The following CDK12 variants were observed in gnomAD, a reference collection of about 807,000 sequenced individuals.
CDK12 encodes the protein cyclin dependent kinase 12.
In CDK12, 17 loss-of-function variants were observed where a neutral mutation model predicts 133.8. That is an observed-to-expected ratio of 0.13 (90% CI 0.09 to 0.19). CDK12 has a LOEUF of 0.19. Ranked by LOEUF, CDK12 falls within the 10% of genes least tolerant of loss-of-function variation. CDK12 has a pLI of 1.00. For synonymous variants in CDK12, 694 were observed against 683.6 expected (o/e 1.02, Z -0.24); for missense variants, 1,508 against 1,818.7 (o/e 0.83, Z 3.11).
rs769185122 is a variant in CDK12 at position 39,533,967 on chromosome 17, CGTTTT to C, written c.*2657_*2661del. 15 of 231,698 alleles carry C rather than the reference CGTTTT, an allele frequency of 6.5e-5. No individual in the cohort carries two copies. The highest frequency in any genetic ancestry group is 8.5e-5 in the Non-Finnish European group (10 of 117,220). The allele number at this position is 231,698 out of a possible 1,614,324, so 14.4% of individuals were successfully genotyped here. A position where few individuals can be genotyped will look rare whatever the true frequency, so the allele number is the denominator to read the frequency against. ...ATTAATTCCATTCAAAAGTGGTTTT[CGTTTT>C]GTTTTAATTATTGTACAATGAGAGA... On this transcript the variant is annotated 3_prime_UTR_variant, in exon 14 of 14. Transcript: ENST00000447079.
intron 7 of CDK12, among the ~76,000 whole-genome samples, chr17:39,510,114 C>CTCTTTT (rs1555569938): frequency 2.4e-5 from 3 of 125,482 alleles, no homozygotes; most frequent in African/African-American, 9.7e-5. Flanking sequence ...CAATCTCTCT[C>CTCTTTT]TTTTTTTTTT....
At chr17:39,508,024 T>A (rs1335453445) in intron 6 of CDK12, among the ~76,000 whole-genome samples, 2 of 152,184 alleles carry the variant, frequency 1.3e-5, no homozygotes, top group Non-Finnish European at 2.9e-5. Flanking sequence ...GTACTACATG[T>A]TGAGTATCCC....
intron 2 of CDK12, among the ~76,000 whole-genome samples, chr17:39,486,154 T>TCAA (rs2051108070): frequency 6.6e-6 from 1 of 151,734 alleles, no homozygotes; most frequent in Admixed American, 6.6e-5. Flanking sequence ...GGTTTCACCA[T>TCAA]GTTGGCTAGG....
chr17:39,461,768 C>G lies in CDK12; in HGVS notation c.-304C>G. The G allele has an allele frequency of 2.4e-6, 1 of 413,320 alleles. No homozygotes were observed. The allele number at this position is 413,320 out of a possible 1,614,324, so 25.6% of individuals were successfully genotyped here. On this transcript the variant is annotated 5_prime_UTR_variant, in exon 1 of 14. Transcript: ENST00000447079. ...TCTCACTTCCTGGACCTCCCCGGCG[C>G]CCGGGCCTGAGGACTGGCTCGGCGG...
chr17:39,502,257 A>G (rs986430809), intron 6 of CDK12, among the ~76,000 whole-genome samples: 1 of 152,006 alleles, frequency 6.6e-6, no homozygotes, highest in African/African-American at 2.4e-5. Flanking sequence ...GGTTCGTGCC[A>G]TTCTCCTGCC....
intron 11 of CDK12, among the ~76,000 whole-genome samples, chr17:39,523,962 T>C (rs1198096434): frequency 1.3e-5 from 2 of 152,216 alleles, no homozygotes; most frequent in East Asian, 3.8e-4. Flanking sequence ...AATTCATTTA[T>C]TACACTAGAA....
At chr17:39,520,244 G>A (rs1023879915) in intron 11 of CDK12, among the ~76,000 whole-genome samples, 157 bp downstream of exon 11, 1 of 151,974 alleles carries the variant, frequency 6.6e-6, no homozygotes, top group African/African-American at 2.4e-5. Flanking sequence ...TATCTTTGTT[G>A]TTTTTTTCTT....
chr17:39,545,496 CTTTTTTTTTTT>C (rs34616390), upstream of CDK12, among the ~76,000 whole-genome samples: 1 of 103,632 alleles, frequency 9.6e-6, no homozygotes, highest in Non-Finnish European at 1.9e-5. Context: ...CCCCAAAAAG[CTTTTTTTTTTT>C]TTTTTTTTTG....
chr17:39,505,961 G>A (rs558718580), intron 6 of CDK12, among the ~76,000 whole-genome samples: 9 of 152,270 alleles, frequency 5.9e-5, no homozygotes, highest in African/African-American at 2.2e-4. Flanking sequence ...CTGGTAAAAG[G>A]TAGGATGTTA....
At chr17:39,479,906 C>T (rs1452466852) in intron 2 of CDK12, among the ~76,000 whole-genome samples, 3 of 142,480 alleles carry the variant, frequency 2.1e-5, no homozygotes, top group African/African-American at 5.2e-5. Flanking sequence ...GGATTACAGG[C>T]GTGAGTCACT....
In CDK12 at chr17:39,533,395, TTG is replaced by T. The variant is rs2054978078; in HGVS notation, c.*2083_*2084del. On this transcript the variant is annotated 3_prime_UTR_variant, in exon 14 of 14. Coordinates refer to ENST00000447079, the MANE Select transcript of CDK12 (RefSeq NM_016507.4). ...CTTCTTAGTCCTCAGACATGGGCCT[TTG>T]TGTTTTAGAATATTTGAATTTGAGT... 1.3e-5 allele frequency: 3 copies of T among 233,094 alleles called. No individual in the cohort carries two copies. In the East Asian group the frequency reaches 1.8e-4, roughly 14 times the overall value. The allele number at this position is 233,094 out of a possible 1,614,324, so 14.4% of individuals were successfully genotyped here.
At chr17:39,498,878 TC>T (rs773244094) in intron 5 of CDK12, among the ~76,000 whole-genome samples, 82 of 196 alleles carry the variant, frequency 0.42, 14 homozygotes, top group South Asian at 0.75. Flanking sequence ...ATTTTCTCTT[TC>T]TTTCTTTCTT....
intron 2 of CDK12, among the ~76,000 whole-genome samples, chr17:39,479,464 G>A (rs1597970728): frequency 1.3e-5 from 2 of 152,100 alleles, no homozygotes; most frequent in African/African-American, 2.4e-5. Flanking sequence ...AATGCAATTA[G>A]TAATGTTGGT....
intron 5 of CDK12, among the ~76,000 whole-genome samples, chr17:39,497,748 C>A (rs2145993597): frequency 6.6e-6 from 1 of 152,052 alleles, no homozygotes; most frequent in African/African-American, 2.4e-5. Flanking sequence ...GGGCAACAGG[C>A]ATGCACCACC....
At chr17:39,464,458 A>G (rs1329703320) in intron 1 of CDK12, among the ~76,000 whole-genome samples, 3 of 147,124 alleles carry the variant, frequency 2.0e-5, no homozygotes, top group African/African-American at 5.1e-5. Flanking sequence ...ATGGTCTTGA[A>G]CTCCTGAGCT....
intron 2 of CDK12, among the ~76,000 whole-genome samples, chr17:39,472,769 A>G (rs1666792974): frequency 6.6e-6 from 1 of 151,802 alleles, no homozygotes; most frequent in African/African-American, 2.4e-5. Context: ...AGTAACATCA[A>G]TAGTTATATA....
intron 2 of CDK12, among the ~76,000 whole-genome samples, chr17:39,477,566 T>A (rs2050308912): frequency 6.7e-6 from 1 of 148,794 alleles, no homozygotes; most frequent in South Asian, 2.1e-4. Flanking sequence ...TTTATTTATT[T>A]ATTATTTATT....
intron 10 of CDK12, among the ~76,000 whole-genome samples, chr17:39,518,267 G>C (rs1463259199): frequency 6.6e-6 from 1 of 151,872 alleles, no homozygotes; most frequent in Non-Finnish European, 1.5e-5. Context: ...GTGAGCCTCT[G>C]AGTCCGGCCC....
intron 6 of CDK12, among the ~76,000 whole-genome samples, chr17:39,502,147 AGTTTGTTT>A (rs898595231): frequency 9.0e-6 from 1 of 111,024 alleles, no homozygotes; most frequent in East Asian, 2.9e-4. Context: ...CTGGCATACT[AGTTTGTTT>A]GTTTGTTTGT....
Sources: gnomAD v4.1 joint callset for allele counts (sites outside exome capture counted in the v4.1 genomes callset) on GRCh38, gnomAD v4.1.1 for gene constraint, MANE v1.5 for transcripts, NCBI Gene and HGNC (gene_info 2026-07-23, HGNC 2026-07-21) for gene names.